AGBL2: variants seen among roughly 807,000 people sequenced by gnomAD.
The protein encoded by AGBL2 is AGBL carboxypeptidase 2.
Under a neutral mutation model 103.0 loss-of-function variants are expected in AGBL2, and 87 were observed. That is an observed-to-expected ratio of 0.84 (90% confidence interval 0.71 to 1.01). The LOEUF (loss-of-function observed/expected upper bound fraction) is 1.01, where lower values mean the gene tolerates loss of function less well. Among genes scored for constraint, AGBL2 ranks in the 50% least tolerant of loss-of-function variants. The probability of loss-of-function intolerance (pLI) is 0.00; values close to 1 mark genes in which losing one functional copy is unlikely to be tolerated. For missense variants in AGBL2, 904 were observed against 1,023.5 expected (o/e 0.88, Z 1.59); for synonymous variants, 335 against 356.7 (o/e 0.94, Z 0.69).
At chr11:47,662,885 A>G in intron 18 of AGBL2, 141 bp downstream of exon 18, 1 of 718,806 alleles carries the variant, frequency 1.4e-6, no homozygotes, top group Non-Finnish European at 2.4e-6. Context: ...AAAATGCCTT[A>G]GATGTTCACC....
chr11:47,710,294 T>C, intron 4 of AGBL2, 83 bp downstream of exon 4: 1 of 1,568,022 alleles, frequency 6.4e-7, no homozygotes, highest in Non-Finnish European at 8.8e-7. Flanking sequence ...GCCTCTCCCA[T>C]GTTAGAGCAG....
chr11:47,713,601 T>TA (rs2097541826), intron 3 of AGBL2, among the ~76,000 whole-genome samples: 1 of 150,742 alleles, frequency 6.6e-6, no homozygotes, highest in South Asian at 2.1e-4. Flanking sequence ...TTTATTTATT[T>TA]TTTTTGAGAC....
At position 47,690,236 on chromosome 11, in the gene AGBL2, C is replaced by G. The variant is rs777305521; in HGVS notation, c.1471G>C (p.Asp491His). 1 of 1,613,988 alleles carries G rather than the reference C, an allele frequency of 6.2e-7. No homozygotes were observed. Among genetic ancestry groups the G allele is most frequent in the Non-Finnish European group, 8.5e-7 (1 of 1,180,036 alleles). ...SNSPDAQLLR[D>H]IFVFKVLPML... Reference sequence around the variant, plus strand: ...GGAAGCACCTTGAAGACAAAAATATCTCTGAGGAGCTGGGCATCTGGGGAG... The same window carrying G: ...GGAAGCACCTTGAAGACAAAAATATGTCTGAGGAGCTGGGCATCTGGGGAG... Residue 491 changes from aspartate (D) to histidine (H), a missense_variant, in exon 10 of 19, where the codon GAT (aspartate) becomes CAT (histidine). Physicochemically the swap from Asp to His is moderately conservative, Grantham distance 81. Coordinates refer to ENST00000525123, the MANE Select transcript of AGBL2 (RefSeq NM_024783.4).
In AGBL2 at chr11:47,710,381, A is replaced by G. The variant is rs770397828; in HGVS notation, c.228T>C (p.Leu76=). 1.5e-5 allele frequency: 25 copies of G among 1,613,882 alleles called. No homozygotes were observed. Among genetic ancestry groups the G allele is most frequent in the Non-Finnish European group, 1.9e-5 (22 of 1,179,946 alleles). Residue 76 remains leucine (L), a synonymous_variant, in exon 4 of 19, where the codon CTT becomes CTC. Coordinates refer to ENST00000525123, the MANE Select transcript of AGBL2 (RefSeq NM_024783.4). ...CACATACTGATTGTTACTCACATAG[A>G]AGCTTCTCCTTTTGCAGGGTGTCTG... ...LIPDTLQKEK[L]LWPISLSSAV...
chr11:47,668,962 A>C (rs779667726), intron 14 of AGBL2, 55 bp from the exon 15 acceptor site: 1 of 1,272,350 alleles, frequency 7.9e-7, no homozygotes, highest in Non-Finnish European at 1.1e-6. Context: ...ATGTCTAGGA[A>C]GCATAACATT....
intron 8 of AGBL2, among the ~76,000 whole-genome samples, chr11:47,692,910 T>C (rs997275798): frequency 6.6e-6 from 1 of 151,646 alleles, no homozygotes; most frequent in Non-Finnish European, 1.5e-5. Context: ...CCTCTACCTT[T>C]TGTGCTCAAG....
intron 14 of AGBL2, among the ~76,000 whole-genome samples, chr11:47,671,400 A>G (rs565268330): frequency 6.6e-6 from 1 of 152,218 alleles, no homozygotes; most frequent in South Asian, 2.1e-4. Flanking sequence ...GGTGCCTGTA[A>G]TTCCAGCTAC....
rs764415462 is a variant in AGBL2, at chr11:47,692,267, A to G, written c.695-11T>C. 6.2e-7 allele frequency: 1 copy of G among 1,612,800 alleles called. No homozygotes were observed. Among genetic ancestry groups the G allele is most frequent in the African/African-American group, 1.3e-5 (1 of 74,962 alleles). ...AACCTTCTATAGGCACTGCAGAGAA[A>G]AGATATATTTAGGCTAGGTTCTACT... is the stretch of plus-strand genomic sequence containing the variant. On this transcript the variant is annotated splice_polypyrimidine_tract_variant and intron_variant, in intron 8 of 18. Coordinates refer to ENST00000525123, the MANE Select transcript of AGBL2 (RefSeq NM_024783.4).
At chr11:47,686,175 A>G in intron 10 of AGBL2, 126 bp from the exon 11 acceptor site, 2 of 957,166 alleles carry the variant, frequency 2.1e-6, no homozygotes, top group East Asian at 2.7e-5. Context: ...TCTCAACTCC[A>G]TTGGCCTTCA....
chr11:47,704,974 C>T (rs1031949954), intron 6 of AGBL2: 4 of 333,614 alleles, frequency 1.2e-5, no homozygotes, highest in African/African-American at 8.5e-5. Flanking sequence ...AATTAAAAAC[C>T]TTTTAAAAAT....
At chr11:47,666,604 G>A in intron 17 of AGBL2, 1 of 510,856 alleles carries the variant, frequency 2.0e-6, no homozygotes, top group Non-Finnish European at 3.4e-6. Flanking sequence ...TCCAGTAAAG[G>A]GACTGGCATG....
At chr11:47,710,606 CCCA>C in intron 3 of AGBL2, 95 bp from the exon 4 acceptor site, 1 of 1,411,990 alleles carries the variant, frequency 7.1e-7, no homozygotes, top group Non-Finnish European at 9.9e-7. Flanking sequence ...TTTATCACCA[CCCA>C]CCACCACAGC....
chr11:47,706,913 AG>A (rs2097522545), intron 4 of AGBL2, among the ~76,000 whole-genome samples: 3 of 140,884 alleles, frequency 2.1e-5, no homozygotes, highest in South Asian at 2.3e-4. Context: ...AAAAAAAAAA[AG>A]AATTAGCCGG....
At chr11:47,699,614 C>T in intron 7 of AGBL2, 61 bp from the exon 8 acceptor site, 1 of 881,010 alleles carries the variant, frequency 1.1e-6, no homozygotes, top group East Asian at 2.9e-5. Flanking sequence ...ACTATCAGAA[C>T]TAATATAAAA....
chr11:47,680,416 G>A (rs1598957813), intron 12 of AGBL2, among the ~76,000 whole-genome samples: 2 of 151,260 alleles, frequency 1.3e-5, no homozygotes, highest in African/African-American at 4.9e-5. Flanking sequence ...AGCTGAGATC[G>A]TGCCACTGCA....
At chr11:47,676,046 G>A (rs2097373752) in intron 14 of AGBL2, among the ~76,000 whole-genome samples, 1 of 151,756 alleles carries the variant, frequency 6.6e-6, no homozygotes, top group Non-Finnish European at 1.5e-5. Context: ...TCTCTCATTG[G>A]TCCACTGGAC....
intron 10 of AGBL2, among the ~76,000 whole-genome samples, chr11:47,688,264 T>C (rs2097432033): frequency 2.0e-5 from 3 of 151,862 alleles, no homozygotes; most frequent in Admixed American, 1.3e-4. Context: ...TGACCAGAAA[T>C]GGAAAAGTTC....
intron 8 of AGBL2, among the ~76,000 whole-genome samples, chr11:47,695,052 A>G (rs979798441): frequency 2.0e-5 from 3 of 152,168 alleles, no homozygotes; most frequent in African/African-American, 7.2e-5. Flanking sequence ...CAGGAGGCTG[A>G]GGCAGGAGAA....
At chr11:47,697,206 G>C (rs923747778) in intron 8 of AGBL2, among the ~76,000 whole-genome samples, 12 of 151,570 alleles carry the variant, frequency 7.9e-5, no homozygotes, top group Non-Finnish European at 1.5e-4. Context: ...TAGGATTACA[G>C]GTATGAGGCA....
Sources: gnomAD v4.1 joint callset for allele counts (sites outside exome capture counted in the v4.1 genomes callset) on GRCh38, gnomAD v4.1.1 for gene constraint, MANE v1.5 for transcripts, NCBI Gene and HGNC (gene_info 2026-07-23, HGNC 2026-07-21) for gene names.